Variants in PKHD1L1 observed in about 807,000 individuals in gnomAD.
PKHD1L1 encodes the protein fibrocystin-L.
A neutral mutation model predicts 462.9 loss-of-function variants in PKHD1L1; 434 were observed. That is an observed-to-expected ratio of 0.94 (90% CI 0.87 to 1.02). The LOEUF is 1.02. Among genes scored for constraint, PKHD1L1 ranks in the 50% least tolerant of loss-of-function variants. The probability of loss-of-function intolerance (pLI) is 0.00; values close to 1 mark genes in which losing one functional copy is unlikely to be tolerated. For synonymous variants in PKHD1L1, 1,781 were observed against 1,750.0 expected, an observed-to-expected ratio of 1.02 and a Z score of -0.44; for missense variants, 5,202 against 5,096.1, an observed-to-expected ratio of 1.02 and a Z score of -0.63.
intron 76 of PKHD1L1, among the ~76,000 whole-genome samples, chr8:109,525,576 C>T (rs923725013): frequency 2.6e-5 from 4 of 152,114 alleles, no homozygotes; most frequent in African/African-American, 9.7e-5. Context: ...TCTCTATGGA[C>T]CTGATTCTGG....
intron 70 of PKHD1L1, 102 bp downstream of exon 70, chr8:109,508,366 C>T (rs1819806210): frequency 4.0e-6 from 5 of 1,246,380 alleles, no homozygotes; most frequent in Non-Finnish European, 5.6e-6. Context: ...AACTAGCAAA[C>T]ATCAGGCCTT....
intron 2 of PKHD1L1, among the ~76,000 whole-genome samples, chr8:109,375,760 G>A (rs1215452531): frequency 6.6e-6 from 1 of 152,186 alleles, no homozygotes; most frequent in Non-Finnish European, 1.5e-5. Context: ...ATTTGCTGGA[G>A]GTCCACTCCA....
Position 109,508,143 on chromosome 8 carries a change from C to T in PKHD1L1, c.11274C>T (p.Ser3758=). Residue 3758 remains serine, a synonymous_variant, in exon 70 of 78, where the codon AGC becomes AGT. Coordinates refer to ENST00000378402, the MANE Select transcript of PKHD1L1 (RefSeq NM_177531.6). ...GTAAGTACCTTCCAGAGTGGCAGAG[C>T]TATCAGTGCTTTGGGATGGAATATG... is the stretch of plus-strand genomic sequence containing the variant. ...STCKYLPEWQ[S]YQCFGMEYAM... The T allele has an allele frequency of 1.2e-6, 2 of 1,612,806 alleles. No homozygotes were observed. Among genetic ancestry groups the T allele is most frequent in the African/African-American group, 2.7e-5 (2 of 74,978 alleles).
At chr8:109,402,560 G>A (rs903731726) in intron 14 of PKHD1L1, among the ~76,000 whole-genome samples, 5 of 152,084 alleles carry the variant, frequency 3.3e-5, no homozygotes, top group Non-Finnish European at 7.4e-5. Context: ...TGGGTTGATA[G>A]GTGCAGTAAA....
At position 109,440,735 on chromosome 8, in the gene PKHD1L1, T is replaced by A; in HGVS notation, c.3982T>A (p.Tyr1328Asn). The A allele has an allele frequency of 1.2e-6, 2 of 1,612,070 alleles. No homozygotes were observed. Among genetic ancestry groups the A allele is most frequent in the Non-Finnish European group, 1.7e-6 (2 of 1,178,672 alleles). ...AGACAAATTAAATTCTTCAATACAG[T>A]ATGTTTTAGAAGTGACCAGCATGTT... is the stretch of plus-strand genomic sequence containing the variant. Reference protein sequence around the residue: ...TRDKLNSSIQYVLEVTSMFPQ... With the variant: ...TRDKLNSSIQNVLEVTSMFPQ... The change falls in exon 33 of 78, where the codon TAT becomes AAT. Residue 1328 changes from tyrosine (Y) to asparagine (N), a missense_variant. This residue lies in a region of PKHD1L1 where 4,497 missense variants were observed against 4,336.8 expected (regional missense o/e 1.04). Transcript: ENST00000378402.
Position 109,443,810 on chromosome 8 carries a change from T to A in PKHD1L1, c.4699T>A (p.Ser1567Thr). The A allele has an allele frequency of 6.2e-7, 1 of 1,613,792 alleles. No individual in the cohort carries two copies. The highest frequency in any genetic ancestry group is 8.5e-7 in the Non-Finnish European group (1 of 1,179,770). The change falls in exon 37 of 78, where the codon TCT becomes ACT. Residue 1567 changes from serine (S) to threonine (T), a missense_variant. This residue lies in a region of PKHD1L1 where 4,497 missense variants were observed against 4,336.8 expected (regional missense o/e 1.04). Transcript: ENST00000378402. ...TGAGGTTTCAAGTTGTTTTTCACCATCTATAAGCAACATTACTCCGTCCAC... is the reference window on the plus strand; with the variant it reads ...TGAGGTTTCAAGTTGTTTTTCACCAACTATAAGCAACATTACTCCGTCCAC... ...LFEVSSCFSP[S>T]ISNITPSTGT...
chr8:109,415,867 GTGT>G (rs1563752373), intron 21 of PKHD1L1, among the ~76,000 whole-genome samples: 3 of 94,932 alleles, frequency 3.2e-5, no homozygotes, highest in African/African-American at 3.1e-5. Flanking sequence ...AAAAAGGGGT[GTGT>G]GTGTGTGTGT....
At chr8:109,383,121 T>C (rs1230163436) in intron 4 of PKHD1L1, among the ~76,000 whole-genome samples, 2 of 107,616 alleles carry the variant, frequency 1.9e-5, no homozygotes, top group Non-Finnish European at 3.4e-5. Context: ...ATATATAATA[T>C]ATAGTTATAT....
Position 109,480,037 on chromosome 8 carries a change from C to T in PKHD1L1, c.9225C>T (p.Leu3075=), listed in dbSNP as rs1232434481. The T allele has an allele frequency of 6.3e-7, 1 of 1,594,642 alleles. No individual in the cohort carries two copies. The highest frequency in any genetic ancestry group is 1.4e-5 in the African/African-American group (1 of 73,960). Residue 3075 remains leucine (L), a synonymous_variant, in exon 55 of 78, where the codon CTC becomes CTT. Transcript: ENST00000378402. ...ADIDMPSMER[L]IIWGVLELED... is the part of the protein sequence containing the mutation. ...TAGATATGCCATCAATGGAAAGACT[C>T]ATTATTTGGGGGGTTCTAGAACTGG...
chr8:109,406,565 A>C, intron 17 of PKHD1L1, 87 bp downstream of exon 17: 1 of 1,367,826 alleles, frequency 7.3e-7, no homozygotes, highest in Non-Finnish European at 9.6e-7. Flanking sequence ...GACAGAGAAA[A>C]AGACTTGGTT....
chr8:109,485,915 T>G (rs1233206918), intron 58 of PKHD1L1, among the ~76,000 whole-genome samples: 1 of 151,996 alleles, frequency 6.6e-6, no homozygotes, highest in Non-Finnish European at 1.5e-5. Flanking sequence ...AAAGAAAAGT[T>G]TTATTTGAAA....
Position 109,445,329 on chromosome 8 carries a change from C to T in PKHD1L1, c.5460C>T (p.Gly1820=). Residue 1820 remains glycine, a synonymous_variant, in exon 38 of 78, where the codon GGC becomes GGT. Transcript: ENST00000378402. ...HSVSVVVGSK[G]LALGNLTVSS... is the part of the protein sequence containing the mutation. Reference sequence around the variant, plus strand: ...TTAGTGTTGTGGTGGGAAGTAAAGGCTTGGCTCTGGGAAACCTGACTGTCA... The same window carrying T: ...TTAGTGTTGTGGTGGGAAGTAAAGGTTTGGCTCTGGGAAACCTGACTGTCA... The T allele has an allele frequency of 6.2e-7, 1 of 1,613,976 alleles. No homozygotes were observed. The highest frequency in any genetic ancestry group is 8.5e-7 in the Non-Finnish European group (1 of 1,179,892).
chr8:109,395,831 C>G (rs990411617), intron 10 of PKHD1L1, among the ~76,000 whole-genome samples, 196 bp from the exon 11 acceptor site: 1 of 152,162 alleles, frequency 6.6e-6, no homozygotes, highest in African/African-American at 2.4e-5. Context: ...GAATGTAAGT[C>G]TCTGTCAATG....
chr8:109,484,142 A>C (rs1818411990), intron 57 of PKHD1L1, among the ~76,000 whole-genome samples: 1 of 151,884 alleles, frequency 6.6e-6, no homozygotes, highest in Non-Finnish European at 1.5e-5. Flanking sequence ...ATAATTGGTA[A>C]ATAGAAAGAG....
At chr8:109,410,037 A>C in intron 19 of PKHD1L1, 59 bp downstream of exon 19, 4 of 917,186 alleles carry the variant, frequency 4.4e-6, no homozygotes, top group Admixed American at 7.1e-5. Flanking sequence ...TAATGGTTTT[A>C]AATTTTATAA....
intron 2 of PKHD1L1, among the ~76,000 whole-genome samples, chr8:109,369,073 G>A (rs754855374): frequency 1.3e-4 from 19 of 151,776 alleles, no homozygotes; most frequent in Non-Finnish European, 2.4e-4. Context: ...TCCGCCTCCT[G>A]GGTTCAAGAA....
chr8:109,430,215 A>G (rs1815019968), intron 27 of PKHD1L1, among the ~76,000 whole-genome samples, 178 bp downstream of exon 27: 1 of 152,164 alleles, frequency 6.6e-6, no homozygotes, highest in East Asian at 1.9e-4. Context: ...AAGGGCACTA[A>G]TTATTTATTT....
chr8:109,376,152 G>A (rs1024285878), intron 2 of PKHD1L1, among the ~76,000 whole-genome samples: 1 of 152,252 alleles, frequency 6.6e-6, no homozygotes, highest in Non-Finnish European at 1.5e-5. Flanking sequence ...GCTCCACCCA[G>A]TTCGAGCTTC....
At chr8:109,528,909 A>G (rs1438891725) in intron 77 of PKHD1L1, among the ~76,000 whole-genome samples, 1 of 152,174 alleles carries the variant, frequency 6.6e-6, no homozygotes, top group Non-Finnish European at 1.5e-5. Context: ...CAAATTGTAA[A>G]GAGCTTTGAT....
Sources: gnomAD v4.1 joint callset for allele counts (sites outside exome capture counted in the v4.1 genomes callset) on GRCh38, gnomAD v4.1.1 for gene constraint, gnomAD v4.1.1 regional missense constraint, MANE v1.5 for transcripts, NCBI Gene and HGNC (gene_info 2026-07-23, HGNC 2026-07-21) for gene names.